DGKB: variants seen among roughly 807,000 people sequenced by gnomAD.
DGKB encodes the protein 90 kDa diacylglycerol kinase.
A neutral mutation model predicts 114.3 loss-of-function variants in DGKB; 67 were observed. That is an observed-to-expected ratio of 0.59 (90% CI 0.48 to 0.72). The LOEUF is 0.72. Ranked by LOEUF, DGKB falls within the 30% of genes least tolerant of loss-of-function variation. DGKB has a pLI of 0.00. For synonymous variants in DGKB, 398 were observed against 323.1 expected (o/e 1.23, Z -2.49); for missense variants, 907 against 975.2 (o/e 0.93, Z 0.93).
In DGKB at chr7:14,146,224, G is replaced by A. The variant is rs187127069; in HGVS notation, c.*2907C>T. On this transcript the variant is annotated 3_prime_UTR_variant, in exon 26 of 26. Coordinates refer to ENST00000402815, the MANE Select transcript of DGKB (RefSeq NM_001350709.2). ...AAATTTACGTCTTTTAAACTTTCTGGTTCTATGTAGATACCTCCCTTCCTA... is the reference window on the plus strand; with the variant it reads ...AAATTTACGTCTTTTAAACTTTCTGATTCTATGTAGATACCTCCCTTCCTA... The A allele has an allele frequency of 6.6e-6, 1 of 152,142 alleles. No homozygotes were observed. The highest frequency in any genetic ancestry group is 1.9e-4 in the East Asian group (1 of 5,198). 9.4% of individuals were successfully genotyped at this position (152,142 alleles called of 1,614,324 possible). A position where few individuals can be genotyped will look rare whatever the true frequency, so the allele number is the denominator to read the frequency against.
Position 14,496,783 on chromosome 7 carries a change from T to C in DGKB, c.1771-18558A>G, listed in dbSNP as rs536181855. ...GATGAAAACAGAGGATAAATAAAGC[T>C]GCTTCAGATATTTATAATAATTTGA... On this transcript the variant is annotated intron_variant, in intron 20 of 25. Transcript: ENST00000402815. Among the ~76,000 whole-genome samples the C allele has an allele frequency of 1.2e-4, 18 of 151,930 alleles. No individual in the cohort carries two copies. In the South Asian group the frequency reaches 3.5e-3, roughly 30 times the overall value.
chr7:14,392,722 ATC>A (rs1821507473), intron 21 of DGKB, among the ~76,000 whole-genome samples: 1 of 152,114 alleles, frequency 6.6e-6, no homozygotes, highest in Non-Finnish European at 1.5e-5. Context: ...GTTTGGTCAA[ATC>A]CTATTGGAAA....
At chr7:14,454,477 A>G (rs932837561) in intron 21 of DGKB, among the ~76,000 whole-genome samples, 1 of 152,104 alleles carries the variant, frequency 6.6e-6, no homozygotes, top group Non-Finnish European at 1.5e-5. Flanking sequence ...TTGTCTTAAG[A>G]AAACCATTCC....
chr7:14,222,075 T>C, intron 23 of DGKB, among the ~76,000 whole-genome samples: 1 of 151,224 alleles, frequency 6.6e-6, no homozygotes, highest in East Asian at 1.9e-4. Context: ...GTTTGTTAAT[T>C]TCGTTGATCT....
Position 14,695,613 on chromosome 7 carries a change from C to T in DGKB, c.592-1419G>A, listed in dbSNP as rs1367625275. On this transcript the variant is annotated intron_variant, in intron 8 of 25. Transcript: ENST00000402815. Reference sequence around the variant, plus strand: ...CTCCTGGGTTCACGCCATTCTCCTGCCTCAGCCTCCCGAGTAGCTGGGACT... The same window carrying T: ...CTCCTGGGTTCACGCCATTCTCCTGTCTCAGCCTCCCGAGTAGCTGGGACT... 2.0e-5 allele frequency among the ~76,000 whole-genome samples: 3 copies of T among 148,612 alleles called. No individual in the cohort carries two copies. In the East Asian group the frequency reaches 6.3e-4, roughly 31 times the overall value.
intron 13 of DGKB, among the ~76,000 whole-genome samples, chr7:14,632,866 T>C (rs1810007875): frequency 6.6e-6 from 1 of 151,934 alleles, no homozygotes; most frequent in Non-Finnish European, 1.5e-5. Flanking sequence ...CAGAAGCCCT[T>C]ATTGACAGGC....
intron 13 of DGKB, among the ~76,000 whole-genome samples, chr7:14,662,758 A>AAAAC (rs1817380726): frequency 6.6e-6 from 1 of 151,328 alleles, no homozygotes. Context: ...TGAAAAAAAA[A>AAAAC]CCTAAAAATC....
chr7:14,214,174 T>C (rs528588501), intron 23 of DGKB, among the ~76,000 whole-genome samples: 24 of 152,168 alleles, frequency 1.6e-4, no homozygotes, highest in Non-Finnish European at 3.2e-4. Flanking sequence ...TTAAAAACAC[T>C]TGGTCTTTCC....
At chr7:14,928,828 A>C (rs1251172664) in intron 1 of DGKB, among the ~76,000 whole-genome samples, 4 of 151,418 alleles carry the variant, frequency 2.6e-5, no homozygotes, top group African/African-American at 9.7e-5. Context: ...TCCCCCTCCT[A>C]CTCCCTCATC....
At chr7:14,159,745 T>C (rs963046232) in intron 25 of DGKB, among the ~76,000 whole-genome samples, 3 of 152,154 alleles carry the variant, frequency 2.0e-5, no homozygotes, top group Non-Finnish European at 4.4e-5. Flanking sequence ...TCTTGGCTCA[T>C]TGCAACCACC....
At position 14,483,836 on chromosome 7, in the gene DGKB, A is replaced by G. The variant is rs62443468; in HGVS notation, c.1771-5611T>C. On this transcript the variant is annotated intron_variant, in intron 20 of 25. Transcript: ENST00000402815. The stretch of plus-strand genomic sequence containing the variant: ...AAGCCACCAGAAGCCAAGAGCCACA[A>G]GAAATGTTTTGTTCTCCATCACCTC... 5.3e-3 allele frequency among the ~76,000 whole-genome samples: 808 copies of G among 152,268 alleles called. 5 individuals carry two copies. Among genetic ancestry groups the G allele is most frequent in the Middle Eastern group, 0.017 (5 of 294 alleles).
In DGKB at chr7:14,851,047, A is replaced by G. The variant is rs549642890; in HGVS notation, c.-187-9597T>C. Among the ~76,000 whole-genome samples the G allele has an allele frequency of 2.6e-5, 4 of 152,346 alleles. No homozygotes were observed. The South Asian group carries it at 6.2e-4, about 24-fold the overall frequency. ...GTACATAACAAATAAGAGACTCTCA[A>G]TAATGGTTATTTTCTCTTTGCTTTT... On this transcript the variant is annotated intron_variant, in intron 1 of 25. Transcript: ENST00000402815.
chr7:14,664,976 A>G (rs1817770000), intron 13 of DGKB, among the ~76,000 whole-genome samples: 1 of 152,012 alleles, frequency 6.6e-6, no homozygotes, highest in Non-Finnish European at 1.5e-5. Context: ...CACTGCAGAT[A>G]TTGTGTATAA....
At chr7:14,445,975 C>G (rs1830672704) in intron 21 of DGKB, among the ~76,000 whole-genome samples, 1 of 152,000 alleles carries the variant, frequency 6.6e-6, no homozygotes, top group South Asian at 2.1e-4. Context: ...ATATTTTTTA[C>G]TTTTAAATTA....
At chr7:14,289,611 A>G (rs898194834) in intron 23 of DGKB, among the ~76,000 whole-genome samples, 5 of 152,150 alleles carry the variant, frequency 3.3e-5, no homozygotes, top group Non-Finnish European at 5.9e-5. Context: ...CCTAATTCAT[A>G]GCACTATGCC....
intron 23 of DGKB, among the ~76,000 whole-genome samples, chr7:14,325,755 T>A (rs1034047324): frequency 6.6e-6 from 1 of 152,168 alleles, no homozygotes; most frequent in Non-Finnish European, 1.5e-5. Flanking sequence ...ATCACATTTA[T>A]TTTTATTCTT....
chr7:14,882,382 T>G (rs10276674), intron 1 of DGKB, among the ~76,000 whole-genome samples: 4 of 151,838 alleles, frequency 2.6e-5, no homozygotes, highest in Non-Finnish European at 5.9e-5. Flanking sequence ...GGTAGGATTA[T>G]AGATTAGTAG....
chr7:14,390,774 T>C (rs143460194), intron 21 of DGKB, among the ~76,000 whole-genome samples: 52 of 152,280 alleles, frequency 3.4e-4, no homozygotes, highest in Admixed American at 4.6e-4. Context: ...TTTTTTAAAG[T>C]AAAATTATCA....
intron 1 of DGKB, among the ~76,000 whole-genome samples, chr7:14,888,242 G>T (rs982361860): frequency 2.0e-5 from 3 of 151,710 alleles, no homozygotes; most frequent in African/African-American, 7.3e-5. Context: ...AGGAAGTAGT[G>T]GGAGGCACAG....
Sources: gnomAD v4.1 joint callset for allele counts (sites outside exome capture counted in the v4.1 genomes callset) on GRCh38, gnomAD v4.1.1 for gene constraint, MANE v1.5 for transcripts, NCBI Gene and HGNC (gene_info 2026-07-23, HGNC 2026-07-21) for gene names.